The following SCD variants were observed in gnomAD, a reference collection of about 807,000 sequenced individuals.
SCD encodes acyl-CoA desaturase.
SCD carries 4 observed loss-of-function variants against 35.7 expected under a neutral mutation model. The observed-to-expected ratio is 0.11, with a 90% CI of 0.06 to 0.26. The LOEUF (loss-of-function observed/expected upper bound fraction) is 0.26, where lower values mean the gene tolerates loss of function less well. Among genes scored for constraint, SCD ranks in the 10% least tolerant of loss-of-function variants. The pLI is 1.00. For synonymous variants in SCD, 150 were observed against 170.2 expected (o/e 0.88, Z 0.92); for missense variants, 282 against 460.7 (o/e 0.61, Z 3.55).
chr10:100,358,593 C>T (rs1302367233), intron 5 of SCD, among the ~76,000 whole-genome samples: 2 of 98,356 alleles, frequency 2.0e-5, no homozygotes, highest in African/African-American at 7.5e-5. Flanking sequence ...AGCGAGACTC[C>T]GTCTCAAAAA....
intron 5 of SCD, among the ~76,000 whole-genome samples, chr10:100,359,091 G>A (rs1331211882): frequency 1.3e-5 from 2 of 152,108 alleles, no homozygotes; most frequent in African/African-American, 4.8e-5. Flanking sequence ...GGAGTTTCTG[G>A]CATGAGATGT....
At position 100,352,164 on chromosome 10, in the gene SCD, T is replaced by A. The variant is rs1849878485; in HGVS notation, c.311-202T>A. ...TGGGATTCTTTAGCTTATCTTTTTT[T>A]CCTGGGTTGAGAGGTTGGGGGGTGA... On this transcript the variant is annotated intron_variant, in intron 2 of 5. Transcript: ENST00000370355. The surrounding 1 kb of genome is among the most constrained non-coding windows in gnomAD (Gnocchi z 4.2). Among the ~76,000 whole-genome samples, 1 of 152,152 alleles carries A rather than the reference T, an allele frequency of 6.6e-6. No individual in the cohort carries two copies. The highest frequency in any genetic ancestry group is 6.5e-5 in the Admixed American group (1 of 15,272).
rs201699117 is a variant in SCD, at chr10:100,363,399, G to T, written c.*2466G>T. ...AAGGCCTTTCTTCTGTGTTAATTGC[G>T]TAGAGGCTACAGGGGTTAGCCTGGA... On this transcript the variant is annotated 3_prime_UTR_variant, in exon 6 of 6. Transcript: ENST00000370355. 3 of 152,232 alleles carry T rather than the reference G, an allele frequency of 2.0e-5. No homozygotes were observed. The East Asian group carries it at 5.8e-4, about 29-fold the overall frequency. 9.4% of individuals were successfully genotyped at this position (152,232 alleles called of 1,614,324 possible).
intron 5 of SCD, among the ~76,000 whole-genome samples, chr10:100,359,364 T>C (rs1849965754): frequency 6.6e-6 from 1 of 152,218 alleles, no homozygotes; most frequent in Non-Finnish European, 1.5e-5. Flanking sequence ...CCTTGAGCCT[T>C]TCTTGGGCTG....
rs1446486335 is a variant in SCD at position 100,356,821 on chromosome 10, G to A, written c.880+57G>A. ...AGTGGTCTGCTGATTAGGGGATTAG[G>A]CTAGGAGCCAGAAAAACTAGATAAA... is the stretch of plus-strand genomic sequence containing the variant. On this transcript the variant is annotated intron_variant, in intron 5 of 5. Coordinates refer to ENST00000370355, the MANE Select transcript of SCD (RefSeq NM_005063.5). The surrounding 1 kb of genome is among the most constrained non-coding windows in gnomAD (Gnocchi z 4.1). The A allele has an allele frequency of 7.2e-7, 1 of 1,392,042 alleles. No individual in the cohort carries two copies. The highest frequency in any genetic ancestry group is 1.0e-6 in the Non-Finnish European group (1 of 987,502). The allele number at this position is 1,392,042 out of a possible 1,614,324, so 86.2% of individuals were successfully genotyped here. A position where few individuals can be genotyped will look rare whatever the true frequency, so the allele number is the denominator to read the frequency against.
At chr10:100,351,393 G>C (rs1206049475) in intron 2 of SCD, among the ~76,000 whole-genome samples, 1 of 151,994 alleles carries the variant, frequency 6.6e-6, no homozygotes, top group Non-Finnish European at 1.5e-5. Flanking sequence ...AGGCGAGACA[G>C]AGGAGTTGTG....
At position 100,356,097 on chromosome 10, in the gene SCD, C is replaced by T. The variant is rs554107772; in HGVS notation, c.648-435C>T. On this transcript the variant is annotated intron_variant, in intron 4 of 5. Coordinates refer to ENST00000370355, the MANE Select transcript of SCD (RefSeq NM_005063.5). This position sits in a 1 kb window ranked among gnomAD's most constrained non-coding sequence, Gnocchi z 4.1. Reference sequence around the variant, plus strand: ...GCTCTAGTAAAAAGTCAGCGATGGCCGGGCATGGTGGCTCATGCCCGTAAT... The same window carrying T: ...GCTCTAGTAAAAAGTCAGCGATGGCTGGGCATGGTGGCTCATGCCCGTAAT... 1.2e-4 allele frequency among the ~76,000 whole-genome samples: 19 copies of T among 152,226 alleles called. No individual in the cohort carries two copies. Among genetic ancestry groups the T allele is most frequent in the Non-Finnish European group, 2.1e-4 (14 of 68,008 alleles).
At chr10:100,355,857 G>A (rs1849921990) in intron 4 of SCD, among the ~76,000 whole-genome samples, 1 of 152,168 alleles carries the variant, frequency 6.6e-6, no homozygotes, top group African/African-American at 2.4e-5. Flanking sequence ...GGTGATCAAG[G>A]ACACTCAATG....
chr10:100,360,918 C>T lies in SCD; in HGVS notation c.1065C>T (p.Asn355=). 6.2e-7 allele frequency: 1 copy of T among 1,613,972 alleles called. No homozygotes were observed. The highest frequency in any genetic ancestry group is 8.5e-7 in the Non-Finnish European group (1 of 1,179,852). The change falls in exon 6 of 6, where the codon AAC becomes AAT. Residue 355 remains asparagine (N), a synonymous_variant. Coordinates refer to ENST00000370355, the MANE Select transcript of SCD (RefSeq NM_005063.5). ...LARIKRTGDG[N]YKSG ...GGATTAAAAGAACCGGAGATGGAAA[C>T]TACAAGAGTGGCTGAGTTTGGGGTC...
In SCD at chr10:100,363,633, G is replaced by T. The variant is rs1030855696; in HGVS notation, c.*2700G>T. 2 of 152,250 alleles carry T rather than the reference G, an allele frequency of 1.3e-5. No homozygotes were observed. Among genetic ancestry groups the T allele is most frequent in the African/African-American group, 2.4e-5 (1 of 41,418 alleles). 9.4% of individuals were successfully genotyped at this position (152,250 alleles called of 1,614,324 possible). A position where few individuals can be genotyped will look rare whatever the true frequency, so the allele number is the denominator to read the frequency against. The stretch of plus-strand genomic sequence containing the variant: ...TCTTCCTATTGTAATCGTGTGCCAT[G>T]GATCTGATCTGTACCATGACCCTAC... On this transcript the variant is annotated 3_prime_UTR_variant, in exon 6 of 6. Coordinates refer to ENST00000370355, the MANE Select transcript of SCD (RefSeq NM_005063.5).
Position 100,361,310 on chromosome 10 carries a change from C to G in SCD, c.*377C>G, listed in dbSNP as rs1179452604. On this transcript the variant is annotated 3_prime_UTR_variant, in exon 6 of 6. Transcript: ENST00000370355. ...CGAATGGTCTTTGCTCCAGATAACTCTCTTTCCTTGAGCTGTTGTGAGCTT... is the reference window on the plus strand; with the variant it reads ...CGAATGGTCTTTGCTCCAGATAACTGTCTTTCCTTGAGCTGTTGTGAGCTT... 1 of 220,406 alleles carries G rather than the reference C, an allele frequency of 4.5e-6. No individual in the cohort carries two copies. The highest frequency in any genetic ancestry group is 9.1e-6 in the Non-Finnish European group (1 of 109,450). 13.7% of individuals were successfully genotyped at this position (220,406 alleles called of 1,614,324 possible).
rs1195987171 is a variant in SCD, at chr10:100,354,627, G to A, written c.642G>A (p.Gln214=). Residue 214 remains glutamine (Q), a synonymous_variant, in exon 4 of 6, where the codon CAG becomes CAA. Coordinates refer to ENST00000370355, the MANE Select transcript of SCD (RefSeq NM_005063.5). The stretch of plus-strand genomic sequence containing the variant: ...AAGCTGAGAAACTGGTGATGTTCCA[G>A]AGGAGGTGAGTGAAGCCCTGATGGA... ...DLEAEKLVMF[Q]RRYYKPGLLM... is the part of the protein sequence containing the mutation. 1.2e-6 allele frequency: 2 copies of A among 1,613,906 alleles called. No individual in the cohort carries two copies. The highest frequency in any genetic ancestry group is 4.5e-5 in the East Asian group (2 of 44,886).
At position 100,347,538 on chromosome 10, in the gene SCD, T is replaced by G; in HGVS notation, c.27+7T>G. On this transcript the variant is annotated splice_region_variant and intron_variant, in intron 1 of 5. Coordinates refer to ENST00000370355, the MANE Select transcript of SCD (RefSeq NM_005063.5). Reference sequence around the variant, plus strand: ...CCACTTGCTGCAGGACGATGTGAGTTTCCCAGCCTGGCCCCGTACCGCCGG... The same window carrying G: ...CCACTTGCTGCAGGACGATGTGAGTGTCCCAGCCTGGCCCCGTACCGCCGG... 6.2e-7 allele frequency: 1 copy of G among 1,613,906 alleles called. No individual in the cohort carries two copies. The highest frequency in any genetic ancestry group is 2.2e-5 in the East Asian group (1 of 44,834).
Position 100,356,838 on chromosome 10 carries a change from CT to C in SCD, c.880+75del. On this transcript the variant is annotated intron_variant, in intron 5 of 5. Coordinates refer to ENST00000370355, the MANE Select transcript of SCD (RefSeq NM_005063.5). This position sits in a 1 kb window ranked among gnomAD's most constrained non-coding sequence, Gnocchi z 4.1. ...GGGATTAGGCTAGGAGCCAGAAAAA[CT>C]AGATAAATCTGTTTTTTATGGCTAC... 1 of 1,197,194 alleles carries C rather than the reference CT, an allele frequency of 8.4e-7. No homozygotes were observed. Among genetic ancestry groups the C allele is most frequent in the Non-Finnish European group, 1.2e-6 (1 of 824,642 alleles). The allele number at this position is 1,197,194 out of a possible 1,614,324, so 74.2% of individuals were successfully genotyped here.
At position 100,361,708 on chromosome 10, in the gene SCD, T is replaced by C. The variant is rs1323666573; in HGVS notation, c.*775T>C. ...GAGGATAAAGAAAAGACATTTTAAG[T>C]TTGTAGTAAAAGTGGTCTCTGCTGG... On this transcript the variant is annotated 3_prime_UTR_variant, in exon 6 of 6. Transcript: ENST00000370355. The C allele has an allele frequency of 6.6e-6, 1 of 152,200 alleles. No individual in the cohort carries two copies. The highest frequency in any genetic ancestry group is 2.4e-5 in the African/African-American group (1 of 41,450). The allele number at this position is 152,200 out of a possible 1,614,324, so 9.4% of individuals were successfully genotyped here.
At chr10:100,349,451 G>A (rs1188489597) in intron 2 of SCD, among the ~76,000 whole-genome samples, 1 of 152,232 alleles carries the variant, frequency 6.6e-6, no homozygotes, top group Non-Finnish European at 1.5e-5. Context: ...GCTCGCTCTT[G>A]AAGGGTAGTT....
At position 100,361,838 on chromosome 10, in the gene SCD, G is replaced by A. The variant is rs201529592; in HGVS notation, c.*905G>A. ...GTTTCCAGAATTGGTAAAAACAGCA[G>A]CTCATAGAATTTTGAGTATTCCATG... On this transcript the variant is annotated 3_prime_UTR_variant, in exon 6 of 6. Transcript: ENST00000370355. 3 of 152,126 alleles carry A rather than the reference G, an allele frequency of 2.0e-5. No homozygotes were observed. Among genetic ancestry groups the A allele is most frequent in the African/African-American group, 7.2e-5 (3 of 41,414 alleles). 9.4% of individuals were successfully genotyped at this position (152,126 alleles called of 1,614,324 possible).
At chr10:100,347,933 C>T in intron 1 of SCD, 131 bp from the exon 2 acceptor site, 3 of 901,934 alleles carry the variant, frequency 3.3e-6, no homozygotes, top group Non-Finnish European at 5.1e-6. Flanking sequence ...TACACCCTAC[C>T]CTCAGTGAAC....
chr10:100,358,580 C>A (rs12253685), intron 5 of SCD, among the ~76,000 whole-genome samples: 1 of 120,058 alleles, frequency 8.3e-6, no homozygotes, highest in African/African-American at 3.2e-5. Context: ...GCCTGGGCGA[C>A]AGAGCGAGAC....
Sources: allele counts gnomAD v4.1 joint callset (sites outside exome capture counted in the v4.1 genomes callset), GRCh38; gene constraint gnomAD v4.1.1; non-coding constraint Gnocchi (gnomAD v3.1); transcripts MANE v1.5; gene names NCBI Gene and HGNC (gene_info 2026-07-23, HGNC 2026-07-21).